The following ZCCHC24 variants were observed in gnomAD, a reference collection of about 807,000 sequenced individuals.
ZCCHC24 encodes the protein zinc finger CCHC-type containing 24.
In ZCCHC24, 10 loss-of-function variants were observed where a neutral mutation model predicts 26.2. The ratio of observed to expected loss-of-function variants is 0.38; its 90% CI spans 0.24 to 0.65. ZCCHC24 has a LOEUF of 0.65. Among genes scored for constraint, ZCCHC24 ranks in the 30% least tolerant of loss-of-function variants. The pLI is 0.54. For synonymous variants in ZCCHC24, 144 were observed against 147.1 expected (o/e 0.98, Z 0.15); for missense variants, 243 against 329.1 (o/e 0.74, Z 2.03).
chr10:79,417,156 A>C (rs563344439), intron 2 of ZCCHC24, among the ~76,000 whole-genome samples: 1 of 138,132 alleles, frequency 7.2e-6, no homozygotes, highest in African/African-American at 2.5e-5. Context: ...TTTTGGGAAC[A>C]CAGAGGGAGG....
At chr10:79,399,451 C>A (rs937097517) in intron 2 of ZCCHC24, among the ~76,000 whole-genome samples, 5 of 152,232 alleles carry the variant, frequency 3.3e-5, no homozygotes, top group African/African-American at 1.2e-4. Flanking sequence ...CTCTCCTGAC[C>A]CAGGCCCCTG....
At chr10:79,391,330 G>A (rs1212990765) in intron 3 of ZCCHC24, among the ~76,000 whole-genome samples, 7 of 152,098 alleles carry the variant, frequency 4.6e-5, no homozygotes, top group Non-Finnish European at 1.0e-4. Flanking sequence ...AGGTGGGGCC[G>A]TTGCCAGCTT....
chr10:79,412,959 C>A (rs553210251), intron 2 of ZCCHC24, among the ~76,000 whole-genome samples: 2 of 152,332 alleles, frequency 1.3e-5, no homozygotes, highest in East Asian at 3.9e-4. Context: ...TGGACATCTG[C>A]CTAAATCTCA....
Position 79,386,219 on chromosome 10 carries a change from C to A in ZCCHC24, c.*126G>T. On this transcript the variant is annotated 3_prime_UTR_variant, in exon 4 of 4. Transcript: ENST00000372336. ...AGACAAGGACGCTAAGAGCCCCCGG[C>A]CCAGCCCCGCAGGCCTGCGAGGGCA... 1 of 811,342 alleles carries A rather than the reference C, an allele frequency of 1.2e-6. No individual in the cohort carries two copies. Among genetic ancestry groups the A allele is most frequent in the South Asian group, 1.5e-5 (1 of 65,106 alleles). The allele number at this position is 811,342 out of a possible 1,614,324, so 50.3% of individuals were successfully genotyped here. A position where few individuals can be genotyped will look rare whatever the true frequency, so the allele number is the denominator to read the frequency against.
intron 2 of ZCCHC24, among the ~76,000 whole-genome samples, chr10:79,421,062 G>A (rs1856927086): frequency 6.6e-6 from 1 of 152,190 alleles, no homozygotes; most frequent in South Asian, 2.1e-4. Flanking sequence ...GTGCTCGAAG[G>A]CACCTCACTG....
chr10:79,401,085 C>T (rs560742117), intron 2 of ZCCHC24, among the ~76,000 whole-genome samples: 2 of 152,384 alleles, frequency 1.3e-5, no homozygotes, highest in Admixed American at 1.3e-4. Context: ...AGGAGGAGAG[C>T]AGGGTGGGCA....
At chr10:79,424,128 C>G (rs2395577) in intron 2 of ZCCHC24, among the ~76,000 whole-genome samples, 1 of 152,032 alleles carries the variant, frequency 6.6e-6, no homozygotes. Flanking sequence ...GAGAAGGCAG[C>G]CCAGTGCACA....
intron 2 of ZCCHC24, among the ~76,000 whole-genome samples, chr10:79,406,210 G>T (rs987423472): frequency 6.6e-6 from 1 of 152,152 alleles, no homozygotes; most frequent in Admixed American, 6.5e-5. Context: ...CCTGTCCAAG[G>T]TCACAAAGCA....
rs1273969202 is a variant in ZCCHC24, at chr10:79,399,792, G to A, written c.448-5352C>T. 2.0e-5 allele frequency among the ~76,000 whole-genome samples: 3 copies of A among 152,244 alleles called. No homozygotes were observed. In the East Asian group the frequency reaches 5.8e-4, roughly 29 times the overall value. On this transcript the variant is annotated intron_variant, in intron 2 of 3. Transcript: ENST00000372336. Reference sequence around the variant, plus strand: ...GGAGGGGCCCCCCGGGCAAGCCAGCGGCTTCGGAAGAGATGTGGAGGAGGC... The same window carrying A: ...GGAGGGGCCCCCCGGGCAAGCCAGCAGCTTCGGAAGAGATGTGGAGGAGGC...
intron 3 of ZCCHC24, among the ~76,000 whole-genome samples, chr10:79,388,627 C>T (rs887100841): frequency 1.3e-5 from 2 of 152,352 alleles, no homozygotes; most frequent in Middle Eastern, 3.4e-3. Flanking sequence ...GCCCCCACCC[C>T]CTTGACTGGC....
At chr10:79,397,276 AG>A (rs1350796636) in intron 2 of ZCCHC24, among the ~76,000 whole-genome samples, 1 of 152,212 alleles carries the variant, frequency 6.6e-6, no homozygotes, top group Non-Finnish European at 1.5e-5. Context: ...CCTGAGCTCC[AG>A]GGCAGGGCTG....
chr10:79,414,238 A>C (rs927455770), intron 2 of ZCCHC24, among the ~76,000 whole-genome samples: 1 of 152,282 alleles, frequency 6.6e-6, no homozygotes, highest in Non-Finnish European at 1.5e-5. Flanking sequence ...AAAAAATATT[A>C]GTGCCACAAT....
intron 2 of ZCCHC24, among the ~76,000 whole-genome samples, chr10:79,414,126 G>T (rs185686525): frequency 2.0e-5 from 3 of 152,196 alleles, no homozygotes; most frequent in Admixed American, 1.3e-4. Context: ...CAGCTTATAC[G>T]ATCACCACCT....
intron 2 of ZCCHC24, among the ~76,000 whole-genome samples, chr10:79,418,491 G>T (rs1333543889): frequency 1.3e-5 from 2 of 152,198 alleles, no homozygotes; most frequent in African/African-American, 4.8e-5. Flanking sequence ...ACCGGCCCTG[G>T]GCTAGGCACG....
At chr10:79,398,461 T>G (rs1405603421) in intron 2 of ZCCHC24, among the ~76,000 whole-genome samples, 1 of 152,172 alleles carries the variant, frequency 6.6e-6, no homozygotes, top group East Asian at 1.9e-4. Flanking sequence ...ATTCTCTTCT[T>G]CGTTGCCTGC....
At chr10:79,403,526 T>A (rs1467109157) in intron 2 of ZCCHC24, 1 of 985,228 alleles carries the variant, frequency 1.0e-6, no homozygotes, top group East Asian at 1.1e-4. Flanking sequence ...AAGCAGGCGG[T>A]CAGAGGGACA....
intron 2 of ZCCHC24, among the ~76,000 whole-genome samples, chr10:79,401,031 G>A (rs1484114303): frequency 6.6e-6 from 1 of 152,234 alleles, no homozygotes; most frequent in African/African-American, 2.4e-5. Flanking sequence ...GCACAGAGGT[G>A]ACATTGTGGC....
At chr10:79,433,091 C>CTAT (rs142574689) in intron 1 of ZCCHC24, among the ~76,000 whole-genome samples, 2 of 152,114 alleles carry the variant, frequency 1.3e-5, no homozygotes, top group East Asian at 1.9e-4. Context: ...TTGATGATGG[C>CTAT]TATTATTATT....
intron 2 of ZCCHC24, among the ~76,000 whole-genome samples, chr10:79,413,978 C>T (rs1468693989): frequency 3.3e-5 from 5 of 152,212 alleles, no homozygotes; most frequent in South Asian, 4.1e-4. Context: ...ACACTTGCTC[C>T]ACCTTCCAGT....
Sources: allele counts gnomAD v4.1 joint callset (sites outside exome capture counted in the v4.1 genomes callset), GRCh38; gene constraint gnomAD v4.1.1; transcripts MANE v1.5; gene names NCBI Gene and HGNC (gene_info 2026-07-23, HGNC 2026-07-21).